Variants in SBK1 observed in about 807,000 individuals in gnomAD.
SBK1 encodes the protein SH3 domain binding kinase 1, also known as serine/threonine-protein kinase SBK1.
Under a neutral mutation model 24.4 loss-of-function variants are expected in SBK1, and 11 were observed. The observed-to-expected ratio is 0.45, with a 90% CI of 0.28 to 0.75. The LOEUF (loss-of-function observed/expected upper bound fraction) is 0.75, where lower values mean the gene tolerates loss of function less well. Ranked by LOEUF, SBK1 falls within the 30% of genes least tolerant of loss-of-function variation. The pLI is 0.12. For synonymous variants in SBK1, 308 were observed against 284.4 expected, an observed-to-expected ratio of 1.08 and a Z score of -0.83; for missense variants, 467 against 620.5, an observed-to-expected ratio of 0.75 and a Z score of 2.63.
rs1300223248 is a variant in SBK1 at position 28,321,049 on chromosome 16, C to T, written c.*128C>T. 3.4e-6 allele frequency: 3 copies of T among 882,184 alleles called. No individual in the cohort carries two copies. Among genetic ancestry groups the T allele is most frequent in the Non-Finnish European group, 3.0e-6 (2 of 658,112 alleles). The allele number at this position is 882,184 out of a possible 1,614,324, so 54.6% of individuals were successfully genotyped here. On this transcript the variant is annotated 3_prime_UTR_variant, in exon 4 of 4. Transcript: ENST00000341901. ...GCGCAGCGGTAGACTAGGCAGGACG[C>T]GGCCCGGCACCTGGTCCGTCCCCGG...
chr16:28,273,499 C>T (rs186185239), intron 1 of SBK1, among the ~76,000 whole-genome samples: 15 of 152,250 alleles, frequency 9.9e-5, no homozygotes, highest in African/African-American at 3.4e-4. Context: ...GCTGGGATTA[C>T]AGGCATGAGC....
At chr16:28,271,388 T>G (rs2044464718) in intron 1 of SBK1, among the ~76,000 whole-genome samples, 1 of 151,854 alleles carries the variant, frequency 6.6e-6, no homozygotes, top group African/African-American at 2.4e-5. Context: ...GAAACCCCAT[T>G]TCTACTAAAA....
rs932497940 is a variant in SBK1 at position 28,316,179 on chromosome 16, G to A, written c.-7-1206G>A. Among the ~76,000 whole-genome samples the A allele has an allele frequency of 3.3e-5, 5 of 152,214 alleles. No individual in the cohort carries two copies. The East Asian group carries it at 9.6e-4, about 29-fold the overall frequency. On this transcript the variant is annotated intron_variant, in intron 1 of 3. Transcript: ENST00000341901. ...AGGCTGTGCTGATGTGTGGCCATGT[G>A]TATGGTGGGATGGTGTGGCCACATC...
Position 28,317,587 on chromosome 16 carries a change from A to G in SBK1, c.196A>G (p.Lys66Glu), listed in dbSNP as rs1215508420. 5.6e-6 allele frequency: 9 copies of G among 1,614,056 alleles called. No individual in the cohort carries two copies. The highest frequency in any genetic ancestry group is 7.6e-6 in the Non-Finnish European group (9 of 1,179,882). The change falls in exon 2 of 4, where the codon AAG (lysine) becomes GAG (glutamate). Residue 66 changes from lysine (K) to glutamate (E), a missense_variant. By Grantham distance (56) the Lys-to-Glu change is moderately conservative (BLOSUM62 1). Around this residue, in one of 4 missense-constraint regions of SBK1, gnomAD observed 123 missense variants for 158.2 expected, o/e 0.78. Coordinates refer to ENST00000341901, the MANE Select transcript of SBK1 (RefSeq NM_001024401.3). This position sits in a 1 kb window ranked among gnomAD's most constrained non-coding sequence, Gnocchi z 4.2. ...GGAGCTGGGCAAAGGCACCTATGGG[A>G]AGGTTGACCTGGTGGTCTACAAGGG... Reference protein sequence around the residue: ...VRELGKGTYGKVDLVVYKGTG... With the variant: ...VRELGKGTYGEVDLVVYKGTG...
chr16:28,272,242 A>T (rs1288069031), intron 1 of SBK1, among the ~76,000 whole-genome samples: 3 of 151,670 alleles, frequency 2.0e-5, no homozygotes, highest in African/African-American at 7.3e-5. Context: ...GTTAATTTTT[A>T]AATTTTTTAT....
intron 1 of SBK1, among the ~76,000 whole-genome samples, chr16:28,267,865 C>A (rs143281104): frequency 1.3e-5 from 2 of 152,146 alleles, no homozygotes; most frequent in Non-Finnish European, 2.9e-5. Flanking sequence ...AATGTCCTTG[C>A]GGCCAGGCGC....
At chr16:28,266,747 T>A (rs75482309) in intron 1 of SBK1, among the ~76,000 whole-genome samples, 36 of 137,070 alleles carry the variant, frequency 2.6e-4, no homozygotes, top group African/African-American at 4.2e-4. Context: ...TTTTTTTTTT[T>A]TAAAAAAAAA....
chr16:28,269,994 G>T lies in SBK1; in HGVS notation c.257+10492G>T, dbSNP rs138981626. On this transcript the variant is annotated intron_variant, in intron 1 of 3. Transcript: ENST00000671413. ...TCTCCAAAATTGTATAGAGTATCAA[G>T]AATCATAATGGCATCGGACTTCTCA... 3.1e-3 allele frequency among the ~76,000 whole-genome samples: 470 copies of T among 152,272 alleles called. 4 individuals carry two copies. Among genetic ancestry groups the T allele is most frequent in the African/African-American group, 0.011 (455 of 41,558 alleles).
intron 2 of SBK1, 100 bp from the exon 3 acceptor site, chr16:28,318,895 G>C: frequency 1.2e-6 from 1 of 846,832 alleles, no homozygotes; most frequent in Non-Finnish European, 2.0e-6. Flanking sequence ...ATGCCTGCTG[G>C]GGACCCTGTT....
Position 28,320,300 on chromosome 16 carries a change from G to A in SBK1, c.654G>A (p.Glu218=), listed in dbSNP as rs770663543. ...GCACCATCCCTTACACGGCGCCTGA[G>A]GTGTGCCAGGCGGGCCGCGCCGACG... is the stretch of plus-strand genomic sequence containing the variant. ...VSGTIPYTAP[E]VCQAGRADGL... Residue 218 remains glutamate (E), a synonymous_variant, in exon 4 of 4, where the codon GAG becomes GAA. Transcript: ENST00000341901. The surrounding 1 kb of genome is among the most constrained non-coding windows in gnomAD (Gnocchi z 8.5). The A allele has an allele frequency of 5.0e-6, 8 of 1,591,682 alleles. 1 individual carries two copies. Among genetic ancestry groups the A allele is most frequent in the Admixed American group, 3.4e-5 (2 of 59,080 alleles).
chr16:28,320,471 G>A lies in SBK1; in HGVS notation c.825G>A (p.Pro275=), dbSNP rs778228539. The A allele has an allele frequency of 3.2e-6, 5 of 1,574,352 alleles. No homozygotes were observed. The African/African-American group carries it at 5.5e-5, about 17-fold the overall frequency. The change falls in exon 4 of 4, where the codon CCG becomes CCA. Residue 275 remains proline (P), a synonymous_variant. Coordinates refer to ENST00000341901, the MANE Select transcript of SBK1 (RefSeq NM_001024401.3). The surrounding 1 kb of genome is among the most constrained non-coding windows in gnomAD (Gnocchi z 8.5). ...EFVRWQRGRL[P]GLPSQWRRFT... ...TGCGCTGGCAGCGGGGCCGCCTGCCGGGGCTGCCTTCGCAGTGGCGCCGCT... is the reference window on the plus strand; with the variant it reads ...TGCGCTGGCAGCGGGGCCGCCTGCCAGGGCTGCCTTCGCAGTGGCGCCGCT...
At chr16:28,303,822 C>T (rs951072266) in intron 1 of SBK1, among the ~76,000 whole-genome samples, 15 of 152,094 alleles carry the variant, frequency 9.9e-5, no homozygotes, top group Non-Finnish European at 1.6e-4. Context: ...CCACTACTTT[C>T]CCCCATTGCA....
Position 28,321,064 on chromosome 16 carries a change from TC to T in SBK1, c.*145del. 1 of 781,104 alleles carries T rather than the reference TC, an allele frequency of 1.3e-6. No individual in the cohort carries two copies. The highest frequency in any genetic ancestry group is 1.8e-6 in the Non-Finnish European group (1 of 565,538). 48.4% of individuals were successfully genotyped at this position (781,104 alleles called of 1,614,324 possible). A position where few individuals can be genotyped will look rare whatever the true frequency, so the allele number is the denominator to read the frequency against. Reference sequence around the variant, plus strand: ...AGGCAGGACGCGGCCCGGCACCTGGTCCGTCCCCGGCGGGCTGGTGAGGGGG... The same window carrying T: ...AGGCAGGACGCGGCCCGGCACCTGGTCGTCCCCGGCGGGCTGGTGAGGGGG... On this transcript the variant is annotated 3_prime_UTR_variant, in exon 4 of 4. Transcript: ENST00000341901.
In SBK1 at chr16:28,259,936, C is replaced by T. The variant is rs1423897758; in HGVS notation, c.257+434C>T. Among the ~76,000 whole-genome samples the T allele has an allele frequency of 1.3e-5, 2 of 152,112 alleles. No homozygotes were observed. Among genetic ancestry groups the T allele is most frequent in the African/African-American group, 4.8e-5 (2 of 41,358 alleles). Reference sequence around the variant, plus strand: ...ATTCTCCTCCATCCAGGCCCAGCTGCAACGCTTCCTCCTTCAGGAAGCCCT... The same window carrying T: ...ATTCTCCTCCATCCAGGCCCAGCTGTAACGCTTCCTCCTTCAGGAAGCCCT... On this transcript the variant is annotated intron_variant, in intron 1 of 3. Transcript: ENST00000671413. The surrounding 1 kb of genome is among the most constrained non-coding windows in gnomAD (Gnocchi z 6.0).
rs558780882 is a variant in SBK1 at position 28,282,146 on chromosome 16, G to A, written c.257+22644G>A. ...GAGGTGACCCAAAAACTATTTGGAGGGAGGGGCTTAGTGAAAGTGACCTAC... is the reference window on the plus strand; with the variant it reads ...GAGGTGACCCAAAAACTATTTGGAGAGAGGGGCTTAGTGAAAGTGACCTAC... On this transcript the variant is annotated intron_variant, in intron 1 of 3. Transcript: ENST00000671413. 3.3e-5 allele frequency among the ~76,000 whole-genome samples: 5 copies of A among 152,190 alleles called. No homozygotes were observed. The South Asian group carries it at 1.0e-3, about 32-fold the overall frequency.
chr16:28,307,679 G>A (rs1007344471), intron 1 of SBK1, among the ~76,000 whole-genome samples: 1 of 149,444 alleles, frequency 6.7e-6, no homozygotes, highest in African/African-American at 2.5e-5. Context: ...GACAGAGGTT[G>A]CAGTGAGCTG....
rs1216772683 is a variant in SBK1, at chr16:28,320,269, T to C, written c.623T>C (p.Val208Ala). 6.3e-7 allele frequency: 1 copy of C among 1,589,610 alleles called. No individual in the cohort carries two copies. Among genetic ancestry groups the C allele is most frequent in the South Asian group, 1.1e-5 (1 of 90,266 alleles). ...TRRVGCRVKR[V>A]SGTIPYTAPE... ...CGCGTGGGCTGCCGCGTCAAGCGCG[T>C]GAGCGGCACCATCCCTTACACGGCG... The change falls in exon 4 of 4, where the codon GTG (valine) becomes GCG (alanine). Residue 208 changes from valine (V) to alanine (A), a missense_variant. By Grantham distance (64) the Val-to-Ala change is moderately conservative. This residue lies in a region of SBK1 where 92 missense variants were observed against 193.8 expected (regional missense o/e 0.47). Coordinates refer to ENST00000341901, the MANE Select transcript of SBK1 (RefSeq NM_001024401.3). The surrounding 1 kb of genome is among the most constrained non-coding windows in gnomAD (Gnocchi z 8.5).
chr16:28,316,000 A>C (rs779023934), intron 1 of SBK1, among the ~76,000 whole-genome samples: 1 of 152,114 alleles, frequency 6.6e-6, no homozygotes, highest in Non-Finnish European at 1.5e-5. Context: ...TCCTGACCTC[A>C]AGTGATCCGC....
At position 28,317,238 on chromosome 16, in the gene SBK1, A is replaced by G. The variant is rs1435155513; in HGVS notation, c.-7-147A>G. 9.4e-6 allele frequency: 6 copies of G among 639,892 alleles called. No individual in the cohort carries two copies. The highest frequency in any genetic ancestry group is 1.9e-5 in the South Asian group (1 of 52,618). The allele number at this position is 639,892 out of a possible 1,614,324, so 39.6% of individuals were successfully genotyped here. Reference sequence around the variant, plus strand: ...AGGCTTTGGGGAAGGCGACGCGACCAAGATGCTTGTCGCCCCCTTGTGGTT... The same window carrying G: ...AGGCTTTGGGGAAGGCGACGCGACCGAGATGCTTGTCGCCCCCTTGTGGTT... On this transcript the variant is annotated intron_variant, in intron 1 of 3. Transcript: ENST00000341901. The surrounding 1 kb of genome is among the most constrained non-coding windows in gnomAD (Gnocchi z 4.2).
Sources: allele counts gnomAD v4.1 joint callset (sites outside exome capture counted in the v4.1 genomes callset), GRCh38; gene constraint gnomAD v4.1.1; regional missense constraint gnomAD v4.1.1; non-coding constraint Gnocchi (gnomAD v3.1); transcripts MANE v1.5; gene names NCBI Gene and HGNC (gene_info 2026-07-23, HGNC 2026-07-21).